The following STK10 variants were observed in gnomAD, a reference collection of about 807,000 sequenced individuals.
The protein encoded by STK10 is serine/threonine-protein kinase 10.
A neutral mutation model predicts 113.8 loss-of-function variants in STK10; 78 were observed. The observed-to-expected ratio is 0.69, with a 90% CI of 0.57 to 0.83. The LOEUF is 0.83. Ranked by LOEUF, STK10 falls within the 40% of genes least tolerant of loss-of-function variation. The pLI is 0.00. For synonymous variants in STK10, 465 were observed against 494.7 expected (o/e 0.94, Z 0.80); for missense variants, 1,109 against 1,280.1 (o/e 0.87, Z 2.04).
intron 12 of STK10, among the ~76,000 whole-genome samples, chr5:172,067,106 C>A (rs1026448142): frequency 1.3e-5 from 2 of 152,190 alleles, no homozygotes; most frequent in Non-Finnish European, 2.9e-5. Context: ...GTAATCCCAG[C>A]ACTTTGGGAG....
chr5:172,063,913 G>A lies in STK10; in HGVS notation c.2082+807C>T, dbSNP rs58257694. On this transcript the variant is annotated intron_variant, in intron 13 of 18. Coordinates refer to ENST00000176763, the MANE Select transcript of STK10 (RefSeq NM_005990.4). ...AAGCAGAACACACAAAGACCCCCTC[G>A]TGGGGGAAAATAGGAGCATTCCGGC... 7.8e-3 allele frequency among the ~76,000 whole-genome samples: 1,186 copies of A among 152,286 alleles called. 15 individuals are homozygous for A. Among genetic ancestry groups the A allele is most frequent in the African/African-American group, 0.027 (1,114 of 41,572 alleles).
At chr5:172,141,259 C>T (rs1013706231) in intron 2 of STK10, among the ~76,000 whole-genome samples, 9 of 152,122 alleles carry the variant, frequency 5.9e-5, no homozygotes, top group African/African-American at 1.4e-4. Context: ...GGTAGTCTCA[C>T]GCTAAGTGTT....
At chr5:172,045,658 A>G (rs17074253) in intron 18 of STK10, among the ~76,000 whole-genome samples, 1,706 of 152,252 alleles carry the variant, frequency 0.011, 28 homozygotes, top group African/African-American at 0.038. Context: ...GGGCACAAGC[A>G]AGTTTATCTA....
intron 2 of STK10, among the ~76,000 whole-genome samples, chr5:172,149,295 C>T (rs1353625554): frequency 6.6e-6 from 1 of 152,214 alleles, no homozygotes; most frequent in Non-Finnish European, 1.5e-5. Context: ...CATGTTGCTG[C>T]CTCCTTCCTT....
chr5:172,105,543 A>T, intron 7 of STK10, 113 bp downstream of exon 7: 1 of 1,120,384 alleles, frequency 8.9e-7, no homozygotes, highest in Admixed American at 1.9e-5. Context: ...ATGGACAAAC[A>T]GCTGTCCATG....
chr5:172,169,999 T>C (rs1019797217), intron 1 of STK10, among the ~76,000 whole-genome samples: 4 of 152,212 alleles, frequency 2.6e-5, no homozygotes, highest in African/African-American at 9.7e-5. Context: ...GCCAGTTGAC[T>C]ATTGGTTGTT....
intron 3 of STK10, 28 bp downstream of exon 3, chr5:172,127,345 A>C (rs28672228): frequency 6.2e-7 from 1 of 1,613,556 alleles, no homozygotes; most frequent in Admixed American, 1.7e-5. Context: ...TCTGGTCCCG[A>C]CAATGCACCG....
Position 172,106,600 on chromosome 5 carries a change from G to GCCCTGC in STK10, c.788+14_788+19dup, listed in dbSNP as rs747380031. The GCCCTGC allele has an allele frequency of 2.0e-5, 32 of 1,605,676 alleles. No homozygotes were observed. The highest frequency in any genetic ancestry group is 1.1e-4 in the South Asian group (10 of 90,598). On this transcript the variant is annotated intron_variant, in intron 6 of 18. Coordinates refer to ENST00000176763, the MANE Select transcript of STK10 (RefSeq NM_005990.4). ...CCCGGCGCAGGCACCCCGGCAGGTG[G>GCCCTGC]CCCTGCCCCTGCCCCTCACCACTTA... is the stretch of plus-strand genomic sequence containing the variant.
At chr5:172,053,186 C>A in intron 17 of STK10, 144 bp from the exon 18 acceptor site, 1 of 650,376 alleles carries the variant, frequency 1.5e-6, no homozygotes, top group South Asian at 1.9e-5. Context: ...TTTATTCAAA[C>A]TCTATACGTA....
chr5:172,077,528 T>C (rs1768338377), intron 12 of STK10, among the ~76,000 whole-genome samples: 1 of 152,202 alleles, frequency 6.6e-6, no homozygotes, highest in Non-Finnish European at 1.5e-5. Flanking sequence ...TGAGAATGTA[T>C]CCACATTAAT....
In STK10 at chr5:172,093,689, TG is replaced by T. The variant is rs755031591; in HGVS notation, c.1276del (p.Gln426ArgfsTer83). The T allele has an allele frequency of 1.2e-6, 2 of 1,614,106 alleles. No homozygotes were observed. Among genetic ancestry groups the T allele is most frequent in the African/African-American group, 2.7e-5 (2 of 74,942 alleles). ...ACCCTGCTCAGCAACTTGCTTCTCC[TG>T]GGCTACCTGAATTCTGGCATCCATT... is the stretch of plus-strand genomic sequence containing the variant. ...VSMDARIQVAQEKQVAEQGGD... is the reference protein window; with the variant it reads ...VSMDARIQVAXEKQVAEQGGD... On this transcript the variant is annotated frameshift_variant, in exon 9 of 19. Transcript: ENST00000176763. LOFTEE classifies it high-confidence loss of function. The surrounding 1 kb of genome is among the most constrained non-coding windows in gnomAD (Gnocchi z 4.1).
chr5:172,102,540 G>A (rs1262044165), intron 7 of STK10, among the ~76,000 whole-genome samples: 1 of 152,140 alleles, frequency 6.6e-6, no homozygotes, highest in Non-Finnish European at 1.5e-5. Context: ...TCACACTAAT[G>A]AGCTGGGGCA....
chr5:172,180,593 C>A (rs929286823), intron 1 of STK10, among the ~76,000 whole-genome samples: 16 of 152,062 alleles, frequency 1.1e-4, no homozygotes, highest in African/African-American at 3.6e-4. Flanking sequence ...GAGTTCAAGA[C>A]CAGCCTGGCC....
chr5:172,078,271 A>G (rs78407861), intron 12 of STK10, among the ~76,000 whole-genome samples: 6,521 of 152,270 alleles, frequency 0.043, 501 homozygotes, highest in African/African-American at 0.15. Context: ...ACATAAGTAA[A>G]CTGCAGAATC....
intron 13 of STK10, among the ~76,000 whole-genome samples, chr5:172,062,265 T>C (rs1385845444): frequency 2.6e-5 from 4 of 151,946 alleles, no homozygotes; most frequent in Non-Finnish European, 5.9e-5. Flanking sequence ...TTTTCCATAA[T>C]AAAGGGTAAA....
At position 172,181,282 on chromosome 5, in the gene STK10, G is replaced by A. The variant is rs1348042491; in HGVS notation, c.156+6605C>T. 6.6e-5 allele frequency among the ~76,000 whole-genome samples: 10 copies of A among 152,272 alleles called. No individual in the cohort carries two copies. In the South Asian group the frequency reaches 2.1e-3, roughly 32 times the overall value. ...CGTAAAACTGTACTACTGGATTTTA[G>A]ATTCTGAACTTTTTTTAAAAGACGC... On this transcript the variant is annotated intron_variant, in intron 1 of 18. Coordinates refer to ENST00000176763, the MANE Select transcript of STK10 (RefSeq NM_005990.4).
intron 18 of STK10, 132 bp downstream of exon 18, chr5:172,052,797 T>C: frequency 1.2e-6 from 1 of 816,658 alleles, no homozygotes; most frequent in Non-Finnish European, 2.0e-6. Context: ...TCTCTCAGGC[T>C]GGAGATCCAT....
intron 3 of STK10, among the ~76,000 whole-genome samples, chr5:172,119,394 A>G (rs910452685): frequency 6.6e-6 from 1 of 152,140 alleles, no homozygotes; most frequent in Non-Finnish European, 1.5e-5. Flanking sequence ...TGAGTGGGCC[A>G]GACACAGTCT....
chr5:172,141,330 A>C (rs985486901), intron 2 of STK10, among the ~76,000 whole-genome samples: 2 of 152,154 alleles, frequency 1.3e-5, no homozygotes, highest in African/African-American at 4.8e-5. Flanking sequence ...TAATCCCAGC[A>C]CTTTGGGAGG....
Sources: allele counts gnomAD v4.1 joint callset (sites outside exome capture counted in the v4.1 genomes callset), GRCh38; gene constraint gnomAD v4.1.1; non-coding constraint Gnocchi (gnomAD v3.1); transcripts MANE v1.5; gene names NCBI Gene and HGNC (gene_info 2026-07-23, HGNC 2026-07-21).